LOXL2: variants seen among roughly 807,000 people sequenced by gnomAD.
LOXL2 encodes lysyl oxidase like 2, also known as lysyl oxidase homolog 2.
Under a neutral mutation model 93.0 loss-of-function variants are expected in LOXL2, and 70 were observed. That is an observed-to-expected ratio of 0.75 (90% CI 0.62 to 0.92). The LOEUF (loss-of-function observed/expected upper bound fraction) is 0.92, where lower values mean the gene tolerates loss of function less well. Among genes scored for constraint, LOXL2 ranks in the 40% least tolerant of loss-of-function variants. The pLI is 0.00. For synonymous variants in LOXL2, 438 were observed against 413.2 expected, an observed-to-expected ratio of 1.06 and a Z score of -0.73; for missense variants, 973 against 1,054.9, an observed-to-expected ratio of 0.92 and a Z score of 1.08.
intron 3 of LOXL2, among the ~76,000 whole-genome samples, chr8:23,354,962 T>G (rs866440721): frequency 8.2e-6 from 1 of 121,776 alleles, no homozygotes; most frequent in South Asian, 2.9e-4. Flanking sequence ...TTTTTTTTTT[T>G]TTTTTTTTTT....
intron 1 of LOXL2, among the ~76,000 whole-genome samples, chr8:23,373,679 A>G (rs1260743372): frequency 6.6e-6 from 1 of 151,990 alleles, no homozygotes; most frequent in Non-Finnish European, 1.5e-5. Context: ...TTGATGTGGT[A>G]GGCACTGTTA....
intron 1 of LOXL2, chr8:23,382,469 A>T (rs541997614): frequency 6.7e-6 from 1 of 149,370 alleles, no homozygotes; most frequent in Admixed American, 6.8e-5. Context: ...GTCAGCCAAG[A>T]TCGTGCCACT....
intron 5 of LOXL2, chr8:23,331,755 A>G (rs1464246607): frequency 7.6e-5 from 4 of 52,582 alleles, no homozygotes; most frequent in South Asian, 1.0e-3. Context: ...TGTTCTAGGA[A>G]ATCGGCCAGT....
chr8:23,335,662 G>T (rs1332626096), intron 4 of LOXL2, among the ~76,000 whole-genome samples: 1 of 152,064 alleles, frequency 6.6e-6, no homozygotes, highest in Non-Finnish European at 1.5e-5. Context: ...GCTTGTCCCT[G>T]CACGGCAGGA....
intron 1 of LOXL2, among the ~76,000 whole-genome samples, chr8:23,371,563 T>C (rs1804494330): frequency 6.6e-6 from 1 of 151,502 alleles, no homozygotes; most frequent in Non-Finnish European, 1.5e-5. Context: ...CCATCCCGGC[T>C]AACACGGTGA....
At chr8:23,341,582 C>A (rs553723273) in intron 3 of LOXL2, 3 of 304,154 alleles carry the variant, frequency 9.9e-6, no homozygotes, top group South Asian at 7.1e-5. Context: ...TCTTTGAATG[C>A]GGATTTTGCA....
intron 2 of LOXL2, among the ~76,000 whole-genome samples, chr8:23,361,473 G>T (rs1212013184): frequency 6.6e-6 from 1 of 152,110 alleles, no homozygotes; most frequent in Non-Finnish European, 1.5e-5. Context: ...ACTAAGTAGA[G>T]AATTCAGCGT....
intron 3 of LOXL2, among the ~76,000 whole-genome samples, chr8:23,347,040 AG>A (rs1394734156): frequency 1.3e-5 from 2 of 152,138 alleles, no homozygotes; most frequent in African/African-American, 4.8e-5. Flanking sequence ...AAAACAGGGC[AG>A]GGCATGGTGA....
intron 4 of LOXL2, among the ~76,000 whole-genome samples, chr8:23,334,941 C>T (rs1468661964): frequency 2.0e-5 from 3 of 151,900 alleles, no homozygotes; most frequent in Admixed American, 6.6e-5. Flanking sequence ...TTCAGCCTCC[C>T]GTGTAGCTGG....
intron 6 of LOXL2, among the ~76,000 whole-genome samples, chr8:23,326,894 C>T (rs1352029206): frequency 1.3e-5 from 2 of 152,210 alleles, no homozygotes; most frequent in South Asian, 4.1e-4. Context: ...GAAGCTTGCA[C>T]AGACTGGAGA....
chr8:23,328,601 T>G, intron 5 of LOXL2, 36 bp from the exon 6 acceptor site: 1 of 1,601,954 alleles, frequency 6.2e-7, no homozygotes, highest in Non-Finnish European at 8.5e-7. Flanking sequence ...GTACAGACGC[T>G]GATGCACGTT....
chr8:23,339,231 G>C (rs1034509367), intron 4 of LOXL2, among the ~76,000 whole-genome samples: 1 of 152,300 alleles, frequency 6.6e-6, no homozygotes, highest in South Asian at 2.1e-4. Flanking sequence ...TCCTCTGCTA[G>C]GAAGGCAGCC....
At chr8:23,395,739 G>A (rs1264293434) in intron 1 of LOXL2, among the ~76,000 whole-genome samples, 5 of 152,046 alleles carry the variant, frequency 3.3e-5, no homozygotes, top group South Asian at 2.1e-4. Flanking sequence ...TTACTCTGTC[G>A]CCCAGGCTGG....
intron 1 of LOXL2, among the ~76,000 whole-genome samples, chr8:23,374,811 G>A (rs905147713): frequency 1.3e-5 from 2 of 152,020 alleles, no homozygotes; most frequent in African/African-American, 4.8e-5. Context: ...TTATTTTCTT[G>A]TAAATTTGAG....
chr8:23,393,716 C>T (rs1800046894), intron 1 of LOXL2, among the ~76,000 whole-genome samples: 1 of 152,082 alleles, frequency 6.6e-6, no homozygotes, highest in Non-Finnish European at 1.5e-5. Flanking sequence ...AATAAAAAAA[C>T]TTCTGCACAT....
intron 2 of LOXL2, among the ~76,000 whole-genome samples, chr8:23,367,195 C>T (rs1227973592): frequency 6.6e-6 from 1 of 152,104 alleles, no homozygotes; most frequent in East Asian, 1.9e-4. Context: ...ACTACAGACA[C>T]TCGCCACCAT....
At chr8:23,337,834 C>G (rs1416241694) in intron 4 of LOXL2, among the ~76,000 whole-genome samples, 1 of 152,188 alleles carries the variant, frequency 6.6e-6, no homozygotes, top group Admixed American at 6.5e-5. Flanking sequence ...CACGGCCACA[C>G]CAATCAGAGA....
chr8:23,303,265 C>A lies in LOXL2; in HGVS notation c.1996+17G>T, dbSNP rs3765215. 9.1e-6 allele frequency: 14 copies of A among 1,531,136 alleles called. No individual in the cohort carries two copies. In the East Asian group the frequency reaches 1.4e-4, roughly 15 times the overall value. The allele number at this position is 1,531,136 out of a possible 1,614,324, so 94.8% of individuals were successfully genotyped here. On this transcript the variant is annotated intron_variant, in intron 11 of 13. Coordinates refer to ENST00000389131, the MANE Select transcript of LOXL2 (RefSeq NM_002318.3). ...AGTCCCTCTGAGGCCTCCCATCCCC[C>A]CACTCCGCTCAGATACCTCCTTCAC...
chr8:23,341,064 G>T lies in LOXL2; in HGVS notation c.671C>A (p.Ala224Asp). The T allele has an allele frequency of 6.2e-7, 1 of 1,614,128 alleles. No homozygotes were observed. Among genetic ancestry groups the T allele is most frequent in the Non-Finnish European group, 8.5e-7 (1 of 1,180,020 alleles). The change falls in exon 4 of 14, where the codon GCC (alanine) becomes GAC (aspartate). Residue 224 changes from alanine to aspartate, a missense_variant. Physicochemically the swap from Ala to Asp is moderately radical, Grantham distance 126. Transcript: ENST00000389131. ...GCCGCAGACCACGCGGGAATTCTTG[G>T]CCGTCCAGTGCTTGTCACAGATCTG... ...WKQICDKHWTAKNSRVVCGMF... is the reference protein window; with the variant it reads ...WKQICDKHWTDKNSRVVCGMF...
Sources: gnomAD v4.1 joint callset for allele counts (sites outside exome capture counted in the v4.1 genomes callset) on GRCh38, gnomAD v4.1.1 for gene constraint, MANE v1.5 for transcripts, NCBI Gene and HGNC (gene_info 2026-07-23, HGNC 2026-07-21) for gene names.